AGBL3: variants seen among roughly 807,000 people sequenced by gnomAD.
AGBL3 encodes the protein cytosolic carboxypeptidase 3.
Under a neutral mutation model 94.5 loss-of-function variants are expected in AGBL3, and 68 were observed. That is an observed-to-expected ratio of 0.72 (90% confidence interval 0.59 to 0.88). The LOEUF (loss-of-function observed/expected upper bound fraction) is 0.88. Ranked by LOEUF, AGBL3 falls within the 40% of genes least tolerant of loss-of-function variation. AGBL3 has a pLI of 0.00. For missense variants in AGBL3, 934 were observed against 1,103.8 expected (o/e 0.85, Z 2.18); for synonymous variants, 354 against 370.7 (o/e 0.95, Z 0.52).
In AGBL3 at chr7:135,034,618, A is replaced by C; in HGVS notation, c.1027A>C (p.Thr343Pro). ...ARNMVYILTI[T>P]TPLKNSDSRK... is the part of the protein sequence containing the mutation. Reference sequence around the variant, plus strand: ...GAACATGGTGTATATTTTAACAATCACTACCCCCTTGAAGAACTCTGACTC... The same window carrying C: ...GAACATGGTGTATATTTTAACAATCCCTACCCCCTTGAAGAACTCTGACTC... Residue 343 changes from threonine (T) to proline (P), a missense_variant, in exon 7 of 17, where the codon ACT becomes CCT. Physicochemically the swap from Thr to Pro is conservative, Grantham distance 38 (BLOSUM62 -1). This residue lies in a region of AGBL3 where 488 missense variants were observed against 563.6 expected (regional missense o/e 0.87). Transcript: ENST00000436302. The C allele has an allele frequency of 6.4e-7, 1 of 1,551,690 alleles. No homozygotes were observed. The highest frequency in any genetic ancestry group is 8.7e-7 in the Non-Finnish European group (1 of 1,146,966).
intron 12 of AGBL3, among the ~76,000 whole-genome samples, chr7:135,064,892 G>A (rs1819146200): frequency 6.6e-6 from 1 of 152,304 alleles, no homozygotes; most frequent in African/African-American, 2.4e-5. Context: ...GACAAGGCTG[G>A]CTTTTGTCAT....
At chr7:135,060,832 T>C (rs568429424) in intron 12 of AGBL3, among the ~76,000 whole-genome samples, 10 of 152,218 alleles carry the variant, frequency 6.6e-5, no homozygotes, top group African/African-American at 9.6e-5. Context: ...ATACACTGGC[T>C]ATTGTGAATA....
chr7:135,012,895 TC>T (rs1813331719), intron 4 of AGBL3, among the ~76,000 whole-genome samples: 1 of 152,030 alleles, frequency 6.6e-6, no homozygotes, highest in Non-Finnish European at 1.5e-5. Flanking sequence ...AGGCAACAAT[TC>T]CTTAGGAGCC....
At chr7:135,059,306 AG>A in intron 12 of AGBL3, 71 bp downstream of exon 12, 1 of 1,035,932 alleles carries the variant, frequency 9.7e-7, no homozygotes, top group South Asian at 1.8e-5. Flanking sequence ...ACTAATAATC[AG>A]GCAAAAAAAA....
At chr7:134,987,827 GTAAACACCTACAGCTTGAAAAGAAAA>G in intron 1 of AGBL3, 22 bp from the exon 2 acceptor site, 1 of 772,336 alleles carries the variant, frequency 1.3e-6, no homozygotes, top group Non-Finnish European at 2.1e-6. Flanking sequence ...ATTTAATGTA[GTAAACACCTACAGCTTGAAAAGAAAA>G]GCTGTCATAT....
At chr7:135,118,010 G>C (rs554448321) in intron 16 of AGBL3, among the ~76,000 whole-genome samples, 1 of 152,232 alleles carries the variant, frequency 6.6e-6, no homozygotes, top group Non-Finnish European at 1.5e-5. Context: ...TGTGGAGAGA[G>C]AAAAGCAGAG....
chr7:134,998,429 TA>T (rs1315956811), intron 4 of AGBL3, among the ~76,000 whole-genome samples: 1 of 152,194 alleles, frequency 6.6e-6, no homozygotes, highest in Non-Finnish European at 1.5e-5. Context: ...TTTTCCTCAT[TA>T]CCTATTTCAT....
intron 15 of AGBL3, among the ~76,000 whole-genome samples, chr7:135,112,926 G>A (rs942223057): frequency 3.3e-5 from 5 of 151,976 alleles, no homozygotes; most frequent in South Asian, 2.1e-4. Flanking sequence ...TACAGAACTC[G>A]CCACCATGCC....
At chr7:135,113,747 T>A (rs535431000) in intron 15 of AGBL3, among the ~76,000 whole-genome samples, 22 of 152,330 alleles carry the variant, frequency 1.4e-4, no homozygotes, top group African/African-American at 4.8e-4. Context: ...CGCATTGTGG[T>A]GCAATCTCCA....
chr7:135,128,666 C>T, intron 16 of AGBL3: 1 of 1,094,246 alleles, frequency 9.1e-7, no homozygotes, highest in African/African-American at 1.6e-5. Context: ...AGGAAGAGAC[C>T]CTAGTATACC....
At chr7:135,000,019 C>T (rs1199105848) in intron 4 of AGBL3, among the ~76,000 whole-genome samples, 1 of 152,196 alleles carries the variant, frequency 6.6e-6, no homozygotes, top group Non-Finnish European at 1.5e-5. Context: ...TCAAAGTAGG[C>T]TCCAGTGGAA....
chr7:135,085,377 CT>C, intron 15 of AGBL3, among the ~76,000 whole-genome samples: 1 of 152,016 alleles, frequency 6.6e-6, no homozygotes, highest in Non-Finnish European at 1.5e-5. Context: ...CCTATATTTG[CT>C]TTAGTTGCCT....
chr7:135,077,800 G>A (rs1820591988), intron 13 of AGBL3, among the ~76,000 whole-genome samples: 1 of 152,004 alleles, frequency 6.6e-6, no homozygotes, highest in Non-Finnish European at 1.5e-5. Context: ...GCGCATGCTC[G>A]AGCTCACTCC....
intron 16 of AGBL3, among the ~76,000 whole-genome samples, chr7:135,121,866 G>T (rs1316159626): frequency 2.0e-5 from 3 of 152,144 alleles, no homozygotes; most frequent in Non-Finnish European, 4.4e-5. Flanking sequence ...CTACCCAGCC[G>T]GGGAAACCGT....
intron 15 of AGBL3, among the ~76,000 whole-genome samples, chr7:135,089,579 A>G (rs1265318620): frequency 6.6e-6 from 1 of 152,194 alleles, no homozygotes; most frequent in Non-Finnish European, 1.5e-5. Flanking sequence ...GTTTCTGGAT[A>G]GGTGCAGTGG....
chr7:135,081,873 C>A, intron 15 of AGBL3, 83 bp downstream of exon 15: 2 of 866,504 alleles, frequency 2.3e-6, no homozygotes, highest in Non-Finnish European at 3.4e-6. Context: ...TAGAAATACA[C>A]AGGGGAAACA....
intron 15 of AGBL3, among the ~76,000 whole-genome samples, chr7:135,082,819 G>T (rs11764200): frequency 0.44 from 66,613 of 151,652 alleles, 15,309 homozygotes; most frequent in East Asian, 0.77. Flanking sequence ...ATATGCATGT[G>T]TGAATACATA....
intron 12 of AGBL3, among the ~76,000 whole-genome samples, chr7:135,074,559 C>T (rs146654418): frequency 6.6e-6 from 1 of 152,252 alleles, no homozygotes; most frequent in African/African-American, 2.4e-5. Context: ...TCTGCTGTGC[C>T]ATCACATTCT....
chr7:134,987,099 G>C (rs1809555289), intron 1 of AGBL3, among the ~76,000 whole-genome samples: 1 of 152,258 alleles, frequency 6.6e-6, no homozygotes. Flanking sequence ...TAGGACTGAA[G>C]GTGTCATCTA....
Sources: gnomAD v4.1 joint callset for allele counts (sites outside exome capture counted in the v4.1 genomes callset) on GRCh38, gnomAD v4.1.1 for gene constraint, gnomAD v4.1.1 regional missense constraint, MANE v1.5 for transcripts, NCBI Gene and HGNC (gene_info 2026-07-23, HGNC 2026-07-21) for gene names.